PCDHGA8: variants seen among roughly 807,000 people sequenced by gnomAD.
PCDHGA8 encodes the protein protocadherin gamma subfamily A, 8.
Under a neutral mutation model 59.2 loss-of-function variants are expected in PCDHGA8, and 45 were observed. The observed-to-expected ratio is 0.76, with a 90% CI of 0.60 to 0.98. PCDHGA8 has a LOEUF of 0.98. Ranked by LOEUF, PCDHGA8 falls within the 50% of genes least tolerant of loss-of-function variation. The pLI, the probability that PCDHGA8 is intolerant of heterozygous loss-of-function variation, is 0.00. For synonymous variants in PCDHGA8, 531 were observed against 519.0 expected, an observed-to-expected ratio of 1.02 and a Z score of -0.32; for missense variants, 1,257 against 1,196.2, an observed-to-expected ratio of 1.05 and a Z score of -0.75.
chr5:141,395,240 G>A lies in PCDHGA8; in HGVS notation c.2424+3G>A. ...AGAATGAAGCTGATCATGGTCAGGT[G>A]AGTTTAGTTCTTTGCTTGCTTTTAA... On this transcript the variant is annotated splice_donor_region_variant and intron_variant, in intron 1 of 3. Coordinates refer to ENST00000398604, the MANE Select transcript of PCDHGA8 (RefSeq NM_032088.2). The A allele has an allele frequency of 6.3e-7, 1 of 1,589,850 alleles. No homozygotes were observed. The highest frequency in any genetic ancestry group is 8.6e-7 in the Non-Finnish European group (1 of 1,166,692).
At chr5:141,410,480 G>A in intron 1 of PCDHGA8, 1 of 1,613,966 alleles carries the variant, frequency 6.2e-7, no homozygotes, top group Non-Finnish European at 8.5e-7. Context: ...TGCACATACG[G>A]GTACAAAAGA....
At chr5:141,404,248 G>A in intron 1 of PCDHGA8, 2 of 1,613,812 alleles carry the variant, frequency 1.2e-6, no homozygotes, top group African/African-American at 2.7e-5. Flanking sequence ...CTCCGCCCCT[G>A]TCCACAGAAA....
chr5:141,410,671 C>G (rs771368781), intron 1 of PCDHGA8: 1 of 1,563,260 alleles, frequency 6.4e-7, no homozygotes, highest in South Asian at 1.2e-5. Context: ...ACTAGTTTCT[C>G]ATATTTTAGG....
At chr5:141,450,152 A>G (rs958894990) in intron 1 of PCDHGA8, among the ~76,000 whole-genome samples, 1 of 151,132 alleles carries the variant, frequency 6.6e-6, no homozygotes, top group East Asian at 2.0e-4. Context: ...GACTACAGGC[A>G]TGTGCCACCA....
At chr5:141,494,171 G>A (rs72790068) in intron 1 of PCDHGA8, among the ~76,000 whole-genome samples, 9,520 of 152,240 alleles carry the variant, frequency 0.063, 348 homozygotes, top group South Asian at 0.11. Flanking sequence ...TTCTAGGGGT[G>A]AGAAGTGTCC....
intron 1 of PCDHGA8, among the ~76,000 whole-genome samples, chr5:141,481,678 G>A (rs1033213047): frequency 6.6e-6 from 1 of 152,006 alleles, no homozygotes; most frequent in African/African-American, 2.4e-5. Flanking sequence ...ATCAGGCCGG[G>A]CCTGGTGGCT....
intron 1 of PCDHGA8, among the ~76,000 whole-genome samples, chr5:141,484,720 G>A (rs1458277947): frequency 2.6e-5 from 4 of 151,988 alleles, no homozygotes; most frequent in African/African-American, 7.2e-5. Flanking sequence ...GAAAAGGGGC[G>A]GGGTCAGTCG....
intron 1 of PCDHGA8, chr5:141,408,432 T>C (rs370073451): frequency 3.1e-6 from 5 of 1,613,972 alleles, no homozygotes; most frequent in Non-Finnish European, 4.2e-6. Flanking sequence ...CACTTCAGCG[T>C]AGACGCGGAG....
chr5:141,409,004 G>A, intron 1 of PCDHGA8: 3 of 1,614,004 alleles, frequency 1.9e-6, no homozygotes, highest in Non-Finnish European at 1.7e-6. Context: ...GACAGCCACT[G>A]ACCAGGATGA....
chr5:141,425,845 GT>G (rs2096898477), intron 1 of PCDHGA8, among the ~76,000 whole-genome samples: 1 of 152,126 alleles, frequency 6.6e-6, no homozygotes, highest in Non-Finnish European at 1.5e-5. Context: ...TCTTTGCTGG[GT>G]TAATGACTGT....
intron 1 of PCDHGA8, chr5:141,412,207 C>T (rs529672287): frequency 1.1e-3 from 173 of 152,330 alleles, no homozygotes; most frequent in African/African-American, 4.1e-3. Flanking sequence ...GGTCATTTGA[C>T]ATAAACACTT....
chr5:141,465,950 A>G (rs570810183), intron 1 of PCDHGA8, among the ~76,000 whole-genome samples: 2 of 152,102 alleles, frequency 1.3e-5, no homozygotes, highest in African/African-American at 4.8e-5. Flanking sequence ...GTGAAACCCC[A>G]TCTCTACTAA....
At chr5:141,501,329 ACACAC>A (rs1562200854) in intron 2 of PCDHGA8, among the ~76,000 whole-genome samples, 2 of 148,226 alleles carry the variant, frequency 1.3e-5, no homozygotes, top group Non-Finnish European at 3.0e-5. Flanking sequence ...ACACACACAC[ACACAC>A]CCCAAACTCA....
At chr5:141,413,588 A>C in intron 1 of PCDHGA8, 1 of 1,613,922 alleles carries the variant, frequency 6.2e-7, no homozygotes, top group South Asian at 1.1e-5. Flanking sequence ...CCAAAATTCC[A>C]AGCAGAAAAT....
At position 141,491,679 on chromosome 5, in the gene PCDHGA8, T is replaced by C. The variant is rs111288145; in HGVS notation, c.2425-3128T>C. On this transcript the variant is annotated intron_variant, in intron 1 of 3. Coordinates refer to ENST00000398604, the MANE Select transcript of PCDHGA8 (RefSeq NM_032088.2). This position sits in a 1 kb window ranked among gnomAD's most constrained non-coding sequence, Gnocchi z 6.9. ...CTGACGCCATCCGGTCCCGCTCTAA[T>C]ACGCTGCGGGAGCGGAGCCAGGTGA... is the stretch of plus-strand genomic sequence containing the variant. 21 of 1,613,378 alleles carry C rather than the reference T, an allele frequency of 1.3e-5. No homozygotes were observed. Among genetic ancestry groups the C allele is most frequent in the Middle Eastern group, 1.6e-4 (1 of 6,078 alleles).
intron 2 of PCDHGA8, among the ~76,000 whole-genome samples, chr5:141,498,747 C>T (rs1363145286): frequency 6.6e-6 from 1 of 152,106 alleles, no homozygotes; most frequent in Non-Finnish European, 1.5e-5. Context: ...GCCTGGCCAA[C>T]ATGATGAAAC....
At chr5:141,413,230 C>A in intron 1 of PCDHGA8, 1 of 1,613,942 alleles carries the variant, frequency 6.2e-7, no homozygotes. Context: ...CGGGCTGGTC[C>A]TGCTCTGCCT....
chr5:141,497,384 A>G (rs2099776099), intron 2 of PCDHGA8, among the ~76,000 whole-genome samples: 1 of 151,900 alleles, frequency 6.6e-6, no homozygotes, highest in African/African-American at 2.4e-5. Context: ...TGGGGTGAGC[A>G]CCTTACCCCT....
At chr5:141,453,481 TA>T (rs1178324090) in intron 1 of PCDHGA8, among the ~76,000 whole-genome samples, 1 of 151,928 alleles carries the variant, frequency 6.6e-6, no homozygotes, top group Non-Finnish European at 1.5e-5. Context: ...TCAAAACTAT[TA>T]AAAAAAGGTG....
Sources: allele counts gnomAD v4.1 joint callset (sites outside exome capture counted in the v4.1 genomes callset), GRCh38; gene constraint gnomAD v4.1.1; non-coding constraint Gnocchi (gnomAD v3.1); transcripts MANE v1.5; gene names NCBI Gene and HGNC (gene_info 2026-07-23, HGNC 2026-07-21).